TENM2: variants seen among roughly 807,000 people sequenced by gnomAD.
TENM2 encodes the protein teneurin-2.
In TENM2, 52 loss-of-function variants were observed where a neutral mutation model predicts 245.2. That is an observed-to-expected ratio of 0.21 (90% CI 0.17 to 0.27). The LOEUF (loss-of-function observed/expected upper bound fraction) is 0.27. TENM2 is among the 10% of genes least tolerant of loss of function. TENM2 has a pLI of 1.00. For synonymous variants in TENM2, 1,363 were observed against 1,438.9 expected, an observed-to-expected ratio of 0.95 and a Z score of 1.19; for missense variants, 3,046 against 3,666.8, an observed-to-expected ratio of 0.83 and a Z score of 4.37.
chr5:168,113,771 G>C (rs557103237), intron 9 of TENM2, among the ~76,000 whole-genome samples: 43 of 152,272 alleles, frequency 2.8e-4, no homozygotes, highest in Admixed American at 2.0e-3. Context: ...GGGAGTCTTA[G>C]AGCTTCCATT....
the TENM2 span, among the ~76,000 whole-genome samples, chr5:167,178,668 G>C: frequency 6.6e-6 from 1 of 151,286 alleles, no homozygotes; most frequent in East Asian, 1.9e-4. Context: ...TAACTTGAAC[G>C]TGAACTTAAA....
intron 19 of TENM2, among the ~76,000 whole-genome samples, chr5:168,207,506 A>G (rs1762451497): frequency 6.6e-6 from 1 of 152,100 alleles, no homozygotes; most frequent in South Asian, 2.1e-4. Flanking sequence ...TCTTACTTTC[A>G]TCAGCCAGGT....
chr5:168,123,223 C>T (rs1196729215), intron 10 of TENM2, among the ~76,000 whole-genome samples: 1 of 151,996 alleles, frequency 6.6e-6, no homozygotes, highest in Non-Finnish European at 1.5e-5. Context: ...CACTTGAGCT[C>T]AGGTGTTCGA....
At chr5:167,434,572 T>C (rs1358845666) in intron 2 of TENM2, among the ~76,000 whole-genome samples, 3 of 152,056 alleles carry the variant, frequency 2.0e-5, no homozygotes, top group Admixed American at 2.0e-4. Flanking sequence ...TCTCAAAAAA[T>C]GAATTTTTAT....
chr5:167,406,857 G>A (rs1258144082), intron 2 of TENM2, among the ~76,000 whole-genome samples: 1 of 152,098 alleles, frequency 6.6e-6, no homozygotes, highest in Non-Finnish European at 1.5e-5. Flanking sequence ...TGTCATGGTG[G>A]TGTCATTTTA....
chr5:168,082,908 A>G (rs1458026986), intron 7 of TENM2, among the ~76,000 whole-genome samples: 1 of 152,200 alleles, frequency 6.6e-6, no homozygotes, highest in Non-Finnish European at 1.5e-5. Flanking sequence ...TCAGGGACCC[A>G]CTTGAGGAGG....
chr5:167,327,545 G>A (rs917177374), intron 1 of TENM2, among the ~76,000 whole-genome samples: 8 of 152,112 alleles, frequency 5.3e-5, no homozygotes, highest in Non-Finnish European at 8.8e-5. Context: ...TGAATAAATT[G>A]TTGTTTATAG....
At chr5:167,017,088 G>A in the TENM2 span, among the ~76,000 whole-genome samples, 3 of 152,136 alleles carry the variant, frequency 2.0e-5, no homozygotes, top group South Asian at 6.2e-4. Flanking sequence ...CCCTCCCATT[G>A]TTTACAGAGG....
intron 8 of TENM2, among the ~76,000 whole-genome samples, chr5:168,093,574 T>C (rs558839835): frequency 7.2e-5 from 11 of 152,292 alleles, no homozygotes; most frequent in African/African-American, 2.6e-4. Flanking sequence ...ACACTAAATA[T>C]ATCTTTGACT....
chr5:167,996,025 C>T (rs966849396), intron 5 of TENM2, among the ~76,000 whole-genome samples: 9 of 152,124 alleles, frequency 5.9e-5, no homozygotes, highest in South Asian at 2.1e-4. Context: ...ATGCATCAGC[C>T]CCAGGACCTT....
intron 2 of TENM2, among the ~76,000 whole-genome samples, chr5:167,740,673 T>C (rs1252912508): frequency 6.6e-6 from 1 of 152,202 alleles, no homozygotes; most frequent in African/African-American, 2.4e-5. Flanking sequence ...AATAACACTT[T>C]AGCCTCAGTT....
At chr5:167,237,504 A>C in the TENM2 span, among the ~76,000 whole-genome samples, 5,200 of 151,298 alleles carry the variant, frequency 0.034, 291 homozygotes, top group African/African-American at 0.12. Context: ...AATATGTTGA[A>C]CTTAAATATC....
chr5:167,859,770 C>T (rs1225642828), intron 2 of TENM2, among the ~76,000 whole-genome samples: 8 of 81,680 alleles, frequency 9.8e-5, no homozygotes, highest in African/African-American at 2.4e-4. Flanking sequence ...CCGCCCTGTC[C>T]GGGAGGGAGG....
At chr5:167,622,679 T>C (rs1453455730) in intron 2 of TENM2, among the ~76,000 whole-genome samples, 1 of 152,068 alleles carries the variant, frequency 6.6e-6, no homozygotes, top group Non-Finnish European at 1.5e-5. Context: ...CATCATACAC[T>C]GTAGACATGA....
intron 2 of TENM2, among the ~76,000 whole-genome samples, chr5:167,735,886 C>T (rs1760762437): frequency 2.0e-5 from 3 of 152,188 alleles, no homozygotes; most frequent in Admixed American, 2.0e-4. Flanking sequence ...ATTCACTGTA[C>T]ACCCAACTAA....
intron 1 of TENM2, among the ~76,000 whole-genome samples, chr5:167,365,587 A>G (rs1015911459): frequency 2.6e-4 from 40 of 152,108 alleles, no homozygotes; most frequent in African/African-American, 9.1e-4. Flanking sequence ...AGATTTACAC[A>G]TATTAAAAAA....
chr5:168,134,088 G>A (rs748753473), intron 12 of TENM2, among the ~76,000 whole-genome samples: 8 of 152,086 alleles, frequency 5.3e-5, no homozygotes, highest in South Asian at 2.1e-4. Context: ...CCAGGAGGTG[G>A]AGGTTGCAGT....
the TENM2 span, among the ~76,000 whole-genome samples, chr5:167,249,700 T>A: frequency 2.0e-5 from 3 of 152,022 alleles, no homozygotes; most frequent in African/African-American, 7.2e-5. Context: ...GAGTGTGTGC[T>A]GTGAAAGGAT....
the TENM2 span, among the ~76,000 whole-genome samples, chr5:167,086,115 C>A: frequency 6.6e-6 from 1 of 152,214 alleles, no homozygotes; most frequent in African/African-American, 2.4e-5. Flanking sequence ...TCAAAACCAA[C>A]CCTGGCTGCT....
Sources: gnomAD v4.1 joint callset for allele counts (sites outside exome capture counted in the v4.1 genomes callset) on GRCh38, gnomAD v4.1.1 for gene constraint, MANE v1.5 for transcripts, NCBI Gene and HGNC (gene_info 2026-07-23, HGNC 2026-07-21) for gene names.